Variants in OR2L5 observed in about 807,000 individuals in gnomAD.
OR2L5 encodes olfactory receptor family 2 subfamily L member 5, also known as olfactory receptor 2L5.
For synonymous variants in OR2L5, 169 were observed against 142.0 expected (o/e 1.19, Z -1.35); for missense variants, 413 against 381.6 (o/e 1.08, Z -0.69).
Position 248,022,499 on chromosome 1 carries a change from G to A in OR2L5, c.552G>A (p.Leu184=), listed in dbSNP as rs752704777. The A allele has an allele frequency of 1.2e-6, 2 of 1,614,032 alleles. No individual in the cohort carries two copies. Among genetic ancestry groups the A allele is most frequent in the African/African-American group, 1.3e-5 (1 of 74,908 alleles). ...NHFFCDVPAM[L]TLACTDTWVY... ...TTTTCTGTGATGTTCCAGCTATGTT[G>A]ACATTAGCCTGTACAGACACCTGGG... Residue 184 remains leucine, a synonymous_variant, in exon 2 of 2, where the codon TTG becomes TTA. Coordinates refer to ENST00000355281, the MANE Select transcript of OR2L5 (RefSeq NM_001258284.2).
chr1:248,023,487 A>C lies in OR2L5; in HGVS notation c.*601A>C, dbSNP rs1456252925. 6.6e-6 allele frequency: 1 copy of C among 152,236 alleles called. No homozygotes were observed. Among genetic ancestry groups the C allele is most frequent in the East Asian group, 1.9e-4 (1 of 5,196 alleles). The allele number at this position is 152,236 out of a possible 1,614,324, so 9.4% of individuals were successfully genotyped here. A position where few individuals can be genotyped will look rare whatever the true frequency, so the allele number is the denominator to read the frequency against. ...CTACAGTTGACTTAGACTTAGTTGA[A>C]TGTGGAGTAGGTTATTTGAACCATT... is the stretch of plus-strand genomic sequence containing the variant. On this transcript the variant is annotated 3_prime_UTR_variant, in exon 2 of 2. Transcript: ENST00000355281.
At chr1:248,018,633 T>C (rs1662264267) in intron 1 of OR2L5, among the ~76,000 whole-genome samples, 1 of 152,202 alleles carries the variant, frequency 6.6e-6, no homozygotes, top group Non-Finnish European at 1.5e-5. Flanking sequence ...TAAATGTTTT[T>C]AATTAGAGTA....
At chr1:248,016,830 T>A (rs1319641043) in intron 1 of OR2L5, among the ~76,000 whole-genome samples, 1 of 152,122 alleles carries the variant, frequency 6.6e-6, no homozygotes, top group African/African-American at 2.4e-5. Context: ...TGTGTGTTTG[T>A]GTGTGATGTA....
At position 248,023,369 on chromosome 1, in the gene OR2L5, G is replaced by A. The variant is rs2103080440; in HGVS notation, c.*483G>A. ...AATAAATTTACCTCAGGATAAATAA[G>A]TATGTCTGGGGTGAAGCCAATTTGC... is the stretch of plus-strand genomic sequence containing the variant. On this transcript the variant is annotated 3_prime_UTR_variant, in exon 2 of 2. Transcript: ENST00000355281. 6.6e-6 allele frequency: 1 copy of A among 152,334 alleles called. No homozygotes were observed. Among genetic ancestry groups the A allele is most frequent in the East Asian group, 1.9e-4 (1 of 5,202 alleles). 9.4% of individuals were successfully genotyped at this position (152,334 alleles called of 1,614,324 possible). A position where few individuals can be genotyped will look rare whatever the true frequency, so the allele number is the denominator to read the frequency against.
chr1:248,023,319 C>CT lies in OR2L5; in HGVS notation c.*438dup, dbSNP rs1178215880. On this transcript the variant is annotated 3_prime_UTR_variant, in exon 2 of 2. Transcript: ENST00000355281. ...TCTCAACTGGTGTGTATGTGTTCCT[C>CT]TTTTTGCTAAAGTAATGATTTATTA... is the stretch of plus-strand genomic sequence containing the variant. 1.3e-5 allele frequency: 2 copies of CT among 152,446 alleles called. No individual in the cohort carries two copies. The highest frequency in any genetic ancestry group is 4.8e-5 in the African/African-American group (2 of 41,436). The allele number at this position is 152,446 out of a possible 1,614,324, so 9.4% of individuals were successfully genotyped here.
In OR2L5 at chr1:248,022,914, G is replaced by C. The variant is rs372605047; in HGVS notation, c.*28G>C. On this transcript the variant is annotated 3_prime_UTR_variant, in exon 2 of 2. Transcript: ENST00000355281. The stretch of plus-strand genomic sequence containing the variant: ...ATACGTTCTGTGTTAGAGTCAAAGC[G>C]CTAGGTTCATATCAACTCAGCAGTG... 43 of 1,569,830 alleles carry C rather than the reference G, an allele frequency of 2.7e-5. No individual in the cohort carries two copies. Among genetic ancestry groups the C allele is most frequent in the Non-Finnish European group, 3.6e-5 (42 of 1,158,518 alleles).
chr1:248,018,272 C>A, intron 1 of OR2L5, among the ~76,000 whole-genome samples: 1 of 151,846 alleles, frequency 6.6e-6, no homozygotes, highest in African/African-American at 2.4e-5. Flanking sequence ...TGTTACTTTT[C>A]CTTTTTTAAA....
Position 248,023,193 on chromosome 1 carries a change from G to T in OR2L5, c.*307G>T, listed in dbSNP as rs191116327. 1.6e-4 allele frequency: 29 copies of T among 184,138 alleles called. No individual in the cohort carries two copies. The highest frequency in any genetic ancestry group is 7.2e-4 in the Admixed American group (13 of 18,098). The allele number at this position is 184,138 out of a possible 1,614,324, so 11.4% of individuals were successfully genotyped here. On this transcript the variant is annotated 3_prime_UTR_variant, in exon 2 of 2. Transcript: ENST00000355281. ...AGGAATCATATCATTCAGCATAATA[G>T]TTATATGTTAATTGTTTCCCATTAT...
In OR2L5 at chr1:248,023,187, A is replaced by C. The variant is rs74153016; in HGVS notation, c.*301A>C. 5,004 of 197,746 alleles carry C rather than the reference A, an allele frequency of 0.025. 232 individuals carry two copies. The highest frequency in any genetic ancestry group is 0.11 in the African/African-American group (4,723 of 42,968). The allele number at this position is 197,746 out of a possible 1,614,324, so 12.2% of individuals were successfully genotyped here. A position where few individuals can be genotyped will look rare whatever the true frequency, so the allele number is the denominator to read the frequency against. ...GTCCAAAGGAATCATATCATTCAGC[A>C]TAATAGTTATATGTTAATTGTTTCC... is the stretch of plus-strand genomic sequence containing the variant. On this transcript the variant is annotated 3_prime_UTR_variant, in exon 2 of 2. Transcript: ENST00000355281.
At chr1:248,019,069 G>A (rs548948772) in intron 1 of OR2L5, among the ~76,000 whole-genome samples, 2 of 151,642 alleles carry the variant, frequency 1.3e-5, no homozygotes, top group African/African-American at 2.4e-5. Context: ...TCTGCCTTTG[G>A]GGTATTGTGA....
In OR2L5 at chr1:248,014,344, A is replaced by C. The variant is rs140294617; in HGVS notation, c.-22+606A>C. Among the ~76,000 whole-genome samples the C allele has an allele frequency of 2.0e-3, 297 of 152,118 alleles. 1 individual carries two copies. The highest frequency in any genetic ancestry group is 6.7e-3 in the African/African-American group (279 of 41,520). ...AATGATATAGTTTTTAAAATAAAGGACCCTCTTCTGGCAATAAATAATTAA... is the reference window on the plus strand; with the variant it reads ...AATGATATAGTTTTTAAAATAAAGGCCCCTCTTCTGGCAATAAATAATTAA... On this transcript the variant is annotated intron_variant, in intron 1 of 1. Transcript: ENST00000355281.
chr1:248,016,858 C>G (rs185876931), intron 1 of OR2L5, among the ~76,000 whole-genome samples: 1 of 152,056 alleles, frequency 6.6e-6, no homozygotes, highest in Admixed American at 6.6e-5. Flanking sequence ...TCACTTACAA[C>G]CCCTGAATCT....
intron 1 of OR2L5, among the ~76,000 whole-genome samples, chr1:248,018,355 T>G (rs1406524853): frequency 6.6e-6 from 1 of 152,178 alleles, no homozygotes; most frequent in African/African-American, 2.4e-5. Flanking sequence ...TAGAAATGTT[T>G]GGAATGTTGT....
intron 1 of OR2L5, among the ~76,000 whole-genome samples, chr1:248,020,178 C>G (rs564571479): frequency 6.6e-6 from 1 of 152,238 alleles, no homozygotes; most frequent in South Asian, 2.1e-4. Flanking sequence ...GACAAGGATG[C>G]CCACTCTCAC....
chr1:248,016,878 C>T (rs1662212416), intron 1 of OR2L5, among the ~76,000 whole-genome samples: 6 of 151,846 alleles, frequency 4.0e-5, no homozygotes. Context: ...TCAATTTTGT[C>T]ATCTATAAAA....
chr1:248,022,492 C>T lies in OR2L5; in HGVS notation c.545C>T (p.Ala182Val). 1.2e-6 allele frequency: 2 copies of T among 1,614,188 alleles called. No homozygotes were observed. The highest frequency in any genetic ancestry group is 1.7e-6 in the Non-Finnish European group (2 of 1,180,042). The change falls in exon 2 of 2, where the codon GCT becomes GTT. Residue 182 changes from alanine (A) to valine (V), a missense_variant. Physicochemically the swap from Ala to Val is moderately conservative, Grantham distance 64. Transcript: ENST00000355281. ...AINHFFCDVP[A>V]MLTLACTDTW... is the part of the protein sequence containing the mutation. Reference sequence around the variant, plus strand: ...AATCATTTTTTCTGTGATGTTCCAGCTATGTTGACATTAGCCTGTACAGAC... The same window carrying T: ...AATCATTTTTTCTGTGATGTTCCAGTTATGTTGACATTAGCCTGTACAGAC...
intron 1 of OR2L5, among the ~76,000 whole-genome samples, chr1:248,018,170 A>T (rs1662252391): frequency 6.6e-6 from 1 of 151,876 alleles, no homozygotes; most frequent in Non-Finnish European, 1.5e-5. Flanking sequence ...TAAAAAAAAA[A>T]ATTCGTTATT....
intron 1 of OR2L5, among the ~76,000 whole-genome samples, chr1:248,021,676 T>G (rs1416206432): frequency 6.6e-6 from 1 of 152,234 alleles, no homozygotes; most frequent in Non-Finnish European, 1.5e-5. Flanking sequence ...AGATAGAAAC[T>G]GCATTTGCAT....
chr1:248,016,070 A>G (rs1406455539), intron 1 of OR2L5, among the ~76,000 whole-genome samples: 2 of 152,158 alleles, frequency 1.3e-5, no homozygotes, highest in Non-Finnish European at 2.9e-5. Flanking sequence ...TGAGACTATC[A>G]CTGAAAAATC....
Sources: allele counts gnomAD v4.1 joint callset (sites outside exome capture counted in the v4.1 genomes callset), GRCh38; gene constraint gnomAD v4.1.1; transcripts MANE v1.5; gene names NCBI Gene and HGNC (gene_info 2026-07-23, HGNC 2026-07-21).